DNAJC22: variants seen among roughly 807,000 people sequenced by gnomAD.
DNAJC22 encodes DnaJ heat shock protein family (Hsp40) member C22, also known as dnaJ homolog subfamily C member 22.
DNAJC22 carries 24 observed loss-of-function variants against 22.2 expected under a neutral mutation model. The observed-to-expected ratio is 1.08, with a 90% CI of 0.78 to 1.52. The LOEUF is 1.52. DNAJC22 is among the 40% of genes most tolerant of loss of function. DNAJC22 has a pLI of 0.00. For synonymous variants in DNAJC22, 160 were observed against 167.4 expected (o/e 0.96, Z 0.34); for missense variants, 434 against 421.7 (o/e 1.03, Z -0.26).
At position 49,351,430 on chromosome 12, in the gene DNAJC22, G is replaced by A. The variant is rs1943783842; in HGVS notation, c.954G>A (p.Arg318=). 2 of 1,606,702 alleles carry A rather than the reference G, an allele frequency of 1.2e-6. No individual in the cohort carries two copies. The highest frequency in any genetic ancestry group is 1.3e-5 in the African/African-American group (1 of 74,260). The change falls in exon 4 of 4, where the codon AGG becomes AGA. Residue 318 remains arginine, a synonymous_variant. Transcript: ENST00000549441. ...HNLDQTEEAQ[R]HFLEIQAAYE... ...TGGACCAGACAGAGGAGGCACAGAG[G>A]CACTTCCTGGAGATCCAGGCTGCGT... is the stretch of plus-strand genomic sequence containing the variant.
Position 49,351,403 on chromosome 12 carries a change from C to A in DNAJC22, c.927C>A (p.Asn309Lys), listed in dbSNP as rs1465342860. The A allele has an allele frequency of 6.2e-7, 1 of 1,612,972 alleles. No individual in the cohort carries two copies. The highest frequency in any genetic ancestry group is 8.5e-7 in the Non-Finnish European group (1 of 1,179,550). Residue 309 changes from asparagine (N) to lysine (K), a missense_variant, in exon 4 of 4, where the codon AAC becomes AAA. Coordinates refer to ENST00000549441, the MANE Select transcript of DNAJC22 (RefSeq NM_001304944.2). ...ELVKVWHPDH[N>K]LDQTEEAQRH... is the part of the protein sequence containing the mutation. ...TGAAGGTCTGGCACCCAGACCACAACCTGGACCAGACAGAGGAGGCACAGA... is the reference window on the plus strand; with the variant it reads ...TGAAGGTCTGGCACCCAGACCACAAACTGGACCAGACAGAGGAGGCACAGA...
rs1943756240 is a variant in DNAJC22 at position 49,349,785 on chromosome 12, G to A, written c.840+73G>A. Reference sequence around the variant, plus strand: ...ATGTGGAAGTACTGTACTTTTGTCTGTTGGCCAGGTGCTGGAAGGATATTC... The same window carrying A: ...ATGTGGAAGTACTGTACTTTTGTCTATTGGCCAGGTGCTGGAAGGATATTC... On this transcript the variant is annotated intron_variant, in intron 3 of 3. Transcript: ENST00000549441. 3.1e-6 allele frequency: 5 copies of A among 1,593,472 alleles called. No individual in the cohort carries two copies. In the East Asian group the frequency reaches 8.9e-5, roughly 29 times the overall value.
At position 49,348,627 on chromosome 12, in the gene DNAJC22, G is replaced by A. The variant is rs1943730264; in HGVS notation, c.-107-139G>A. 1.3e-5 allele frequency: 5 copies of A among 399,486 alleles called. No homozygotes were observed. In the South Asian group the frequency reaches 6.6e-4, roughly 53 times the overall value. The allele number at this position is 399,486 out of a possible 1,614,324, so 24.7% of individuals were successfully genotyped here. A position where few individuals can be genotyped will look rare whatever the true frequency, so the allele number is the denominator to read the frequency against. Reference sequence around the variant, plus strand: ...CTGTGGTTGTAAAGAATGGGACTGAGGTGCTAGGACAAGGGATATGAGATA... The same window carrying A: ...CTGTGGTTGTAAAGAATGGGACTGAAGTGCTAGGACAAGGGATATGAGATA... On this transcript the variant is annotated intron_variant, in intron 2 of 3. Coordinates refer to ENST00000549441, the MANE Select transcript of DNAJC22 (RefSeq NM_001304944.2).
chr12:49,349,634 C>T lies in DNAJC22; in HGVS notation c.762C>T (p.Ser254=). 1 of 1,614,248 alleles carries T rather than the reference C, an allele frequency of 6.2e-7. No homozygotes were observed. The highest frequency in any genetic ancestry group is 8.5e-7 in the Non-Finnish European group (1 of 1,180,050). The change falls in exon 3 of 4, where the codon AGC becomes AGT. Residue 254 remains serine (S), a synonymous_variant. Transcript: ENST00000549441. ...TGATGGGGGAGACTGGCTTCAACAG[C>T]AGCTGCTTTCAGGAGTGGGCGAAGC... is the stretch of plus-strand genomic sequence containing the variant. ...RLLMGETGFN[S]SCFQEWAKLY... is the part of the protein sequence containing the mutation.
rs774453268 is a variant in DNAJC22 at position 49,349,440 on chromosome 12, C to T, written c.568C>T (p.Leu190Phe). ...GCTCTATCGTCTGGGCTTGGCTTAC[C>T]TTGCTTTCACAGGCCCACTGGCATA... The part of the protein sequence containing the change: ...VRLYRLGLAY[L>F]AFTGPLAYSA... The change falls in exon 3 of 4, where the codon CTT (leucine) becomes TTT (phenylalanine). Residue 190 changes from leucine to phenylalanine, a missense_variant. Coordinates refer to ENST00000549441, the MANE Select transcript of DNAJC22 (RefSeq NM_001304944.2). The T allele has an allele frequency of 3.1e-6, 5 of 1,613,938 alleles. No homozygotes were observed. The highest frequency in any genetic ancestry group is 2.5e-6 in the Non-Finnish European group (3 of 1,179,944).
In DNAJC22 at chr12:49,348,866, C is replaced by T. The variant is rs76011041; in HGVS notation, c.-7C>T. 46,077 of 1,492,428 alleles carry T rather than the reference C, an allele frequency of 0.031. 1,467 individuals are homozygous for T. The highest frequency in any genetic ancestry group is 0.16 in the African/African-American group (11,021 of 71,060). 92.4% of individuals were successfully genotyped at this position (1,492,428 alleles called of 1,614,324 possible). On this transcript the variant is annotated 5_prime_UTR_variant, in exon 3 of 4. Transcript: ENST00000549441. ...CCGGACTTGTTCTGAGACCTTTGCC[C>T]TAGAGGATGGCCAAGGGGCTCCTGG...
Position 49,349,396 on chromosome 12 carries a change from C to G in DNAJC22, c.524C>G (p.Ser175Ter). 1 of 1,607,350 alleles carries G rather than the reference C, an allele frequency of 6.2e-7. No homozygotes were observed. Among genetic ancestry groups the G allele is most frequent in the South Asian group, 1.1e-5 (1 of 90,268 alleles). ...RHRRYKALVASEPLSVRLYRL... is the reference protein window; with the variant it reads ...RHRRYKALVA ...CGCCGCTACAAAGCTTTGGTGGCAT[C>G]AGAGCCGCTCAGTGTGCGGCTCTAT... Residue 175 changes from serine (S) to a stop codon, truncating the protein, a stop_gained, in exon 3 of 4, where the codon TCA becomes TGA. Coordinates refer to ENST00000549441, the MANE Select transcript of DNAJC22 (RefSeq NM_001304944.2). LOFTEE classifies it high-confidence loss of function.
chr12:49,349,641 T>C lies in DNAJC22; in HGVS notation c.769T>C (p.Phe257Leu). The change falls in exon 3 of 4, where the codon TTT (phenylalanine) becomes CTT (leucine). Residue 257 changes from phenylalanine (F) to leucine (L), a missense_variant. Physicochemically the swap from Phe to Leu is conservative, Grantham distance 22. Transcript: ENST00000549441. ...GGAGACTGGCTTCAACAGCAGCTGC[T>C]TTCAGGAGTGGGCGAAGCTCTATGA... ...MGETGFNSSC[F>L]QEWAKLYEFV... is the part of the protein sequence containing the mutation. 1 of 1,614,240 alleles carries C rather than the reference T, an allele frequency of 6.2e-7. No individual in the cohort carries two copies. The highest frequency in any genetic ancestry group is 8.5e-7 in the Non-Finnish European group (1 of 1,180,042).
At chr12:49,350,283 G>C (rs939039843) in intron 3 of DNAJC22, among the ~76,000 whole-genome samples, 2 of 151,762 alleles carry the variant, frequency 1.3e-5, no homozygotes, top group Admixed American at 1.3e-4. Flanking sequence ...CGCCATGTTG[G>C]CCAGGCTGGT....
intron 2 of DNAJC22, among the ~76,000 whole-genome samples, chr12:49,348,405 T>C (rs927033745): frequency 6.6e-6 from 1 of 152,152 alleles, no homozygotes; most frequent in Non-Finnish European, 1.5e-5. Flanking sequence ...GGCTAAAGCC[T>C]GGGCCAGGTG....
chr12:49,351,159 A>G (rs1943779180), intron 3 of DNAJC22, 158 bp from the exon 4 acceptor site: 7 of 1,428,952 alleles, frequency 4.9e-6, no homozygotes, highest in Non-Finnish European at 6.4e-6. Flanking sequence ...ATTACTCTAT[A>G]AGGCTGGAAT....
At chr12:49,349,875 A>G (rs959585772) in intron 3 of DNAJC22, 163 bp downstream of exon 3, 10 of 985,018 alleles carry the variant, frequency 1.0e-5, no homozygotes, top group Non-Finnish European at 1.2e-5. Context: ...GGAAAAATAT[A>G]TGTGTATATT....
At chr12:49,351,266 G>C (rs1943780783) in intron 3 of DNAJC22, 51 bp from the exon 4 acceptor site, 3 of 1,611,364 alleles carry the variant, frequency 1.9e-6, no homozygotes, top group Non-Finnish European at 2.5e-6. Flanking sequence ...AGAGGCCCAG[G>C]TACCCTGACA....
intron 3 of DNAJC22, among the ~76,000 whole-genome samples, chr12:49,350,717 C>T (rs889133876): frequency 7.8e-6 from 1 of 128,188 alleles, no homozygotes; most frequent in African/African-American, 4.1e-5. Context: ...AGGCTGGTCT[C>T]GAACTCCCGA....
At chr12:49,350,806 T>C (rs1313884999) in intron 3 of DNAJC22, among the ~76,000 whole-genome samples, 1 of 152,158 alleles carries the variant, frequency 6.6e-6, no homozygotes, top group Non-Finnish European at 1.5e-5. Context: ...CCATTATTCC[T>C]CCTGTTACTT....
At chr12:49,349,768 G>A (rs1466783041) in intron 3 of DNAJC22, 56 bp downstream of exon 3, 18 of 1,606,682 alleles carry the variant, frequency 1.1e-5, no homozygotes, top group Non-Finnish European at 1.4e-5. Context: ...TCATGTGGAA[G>A]TACTGTACTT....
intron 2 of DNAJC22, among the ~76,000 whole-genome samples, chr12:49,348,363 C>T (rs1027778883): frequency 2.0e-5 from 3 of 152,148 alleles, no homozygotes; most frequent in Admixed American, 6.5e-5. Flanking sequence ...GGGAAAATCT[C>T]ATGGCCTGGA....
chr12:49,349,009 T>A lies in DNAJC22; in HGVS notation c.137T>A (p.Leu46His), dbSNP rs1943736784. 5 of 1,581,546 alleles carry A rather than the reference T, an allele frequency of 3.2e-6. No homozygotes were observed. In the South Asian group the frequency reaches 5.9e-5, roughly 19 times the overall value. The change falls in exon 3 of 4, where the codon CTC becomes CAC. Residue 46 changes from leucine (L) to histidine (H), a missense_variant. Leu to His is a moderately conservative substitution (Grantham distance 99, BLOSUM62 -3). Coordinates refer to ENST00000549441, the MANE Select transcript of DNAJC22 (RefSeq NM_001304944.2). ...LTLGGGGLGW[L>H]WEFWKLPSFV... Reference sequence around the variant, plus strand: ...CTGGGGGGAGGTGGGCTGGGCTGGCTCTGGGAGTTCTGGAAGCTCCCAAGC... The same window carrying A: ...CTGGGGGGAGGTGGGCTGGGCTGGCACTGGGAGTTCTGGAAGCTCCCAAGC...
chr12:49,350,696 C>G (rs555228828), intron 3 of DNAJC22, among the ~76,000 whole-genome samples: 1 of 149,660 alleles, frequency 6.7e-6, no homozygotes, highest in African/African-American at 2.5e-5. Context: ...CGGGGTTTCT[C>G]CATGTTGGTC....
Sources: gnomAD v4.1 joint callset for allele counts (sites outside exome capture counted in the v4.1 genomes callset) on GRCh38, gnomAD v4.1.1 for gene constraint, MANE v1.5 for transcripts, NCBI Gene and HGNC (gene_info 2026-07-23, HGNC 2026-07-21) for gene names.